The following EVL variants were observed in gnomAD, a reference collection of about 807,000 sequenced individuals.
The protein encoded by EVL is ena/VASP-like protein.
A neutral mutation model predicts 59.6 loss-of-function variants in EVL; 21 were observed. The observed-to-expected ratio is 0.35, with a 90% confidence interval of 0.25 to 0.51. EVL has a LOEUF of 0.51. Among genes scored for constraint, EVL ranks in the 20% least tolerant of loss-of-function variants. EVL has a pLI of 0.97. For missense variants in EVL, 462 were observed against 546.6 expected (o/e 0.85, Z 1.54); for synonymous variants, 198 against 203.5 (o/e 0.97, Z 0.23).
Position 100,137,954 on chromosome 14 carries a change from C to T in EVL, c.1094+152C>T, listed in dbSNP as rs376519619. 3.3e-4 allele frequency: 240 copies of T among 718,072 alleles called. 4 individuals are homozygous for T. Among genetic ancestry groups the T allele is most frequent in the South Asian group, 2.1e-3 (118 of 56,898 alleles). The allele number at this position is 718,072 out of a possible 1,614,324, so 44.5% of individuals were successfully genotyped here. On this transcript the variant is annotated intron_variant, in intron 11 of 13. Transcript: ENST00000392920. ...GTCTGTTCTTTCAGACCCAGGACCT[C>T]GGGGTCCTGTCAGTCAGCTGCTCCG...
chr14:100,049,882 G>A (rs761803625), intron 1 of EVL, among the ~76,000 whole-genome samples: 3 of 151,924 alleles, frequency 2.0e-5, no homozygotes, highest in Non-Finnish European at 4.4e-5. Flanking sequence ...ATTTTATATC[G>A]TATACATGGA....
rs536389742 is a variant in EVL, at chr14:100,095,200, G to A, written c.181-2281G>A. ...CTAAAGTATCTTTTATCTTGCTTCA[G>A]TATCTCTTAACCATTCCTGATATAA... On this transcript the variant is annotated intron_variant, in intron 2 of 13. Transcript: ENST00000392920. Among the ~76,000 whole-genome samples, 255 of 152,178 alleles carry A rather than the reference G, an allele frequency of 1.7e-3. 1 individual carries two copies. Among genetic ancestry groups the A allele is most frequent in the Non-Finnish European group, 1.5e-3 (105 of 68,028 alleles).
chr14:100,047,116 CTCTTTTTTT>C (rs1242642299), intron 1 of EVL, among the ~76,000 whole-genome samples: 4 of 28,458 alleles, frequency 1.4e-4, no homozygotes, highest in African/African-American at 2.7e-4. Context: ...AGATCTCTCT[CTCTTTTTTT>C]TTTTTTTTTT....
intron 1 of EVL, among the ~76,000 whole-genome samples, chr14:99,976,164 C>T (rs895086673): frequency 6.6e-5 from 10 of 151,826 alleles, no homozygotes; most frequent in South Asian, 2.1e-4. Flanking sequence ...TACAGGCACA[C>T]GCCCCCATGG....
rs191196110 is a variant in EVL at position 100,127,691 on chromosome 14, C to T, written c.488-828C>T. Reference sequence around the variant, plus strand: ...TTCACCTAACTGAACCCCTGCTCTCCGGTCGTGTCCCAGCTCCACAGTCAC... The same window carrying T: ...TTCACCTAACTGAACCCCTGCTCTCTGGTCGTGTCCCAGCTCCACAGTCAC... On this transcript the variant is annotated intron_variant, in intron 5 of 13. Coordinates refer to ENST00000392920, the MANE Select transcript of EVL (RefSeq NM_016337.3). The surrounding 1 kb of genome is among the most constrained non-coding windows in gnomAD (Gnocchi z 4.2). Among the ~76,000 whole-genome samples the T allele has an allele frequency of 5.1e-4, 78 of 152,284 alleles. No homozygotes were observed. The highest frequency in any genetic ancestry group is 9.4e-4 in the Non-Finnish European group (64 of 68,030).
intron 1 of EVL, among the ~76,000 whole-genome samples, chr14:100,015,897 C>G (rs905756258): frequency 2.6e-4 from 40 of 151,726 alleles, no homozygotes; most frequent in Non-Finnish European, 1.2e-4. Flanking sequence ...ATGGCAAAAC[C>G]CTGTCTCTAC....
intron 1 of EVL, among the ~76,000 whole-genome samples, chr14:99,993,111 G>T (rs2060886450): frequency 6.8e-6 from 1 of 146,930 alleles, no homozygotes; most frequent in Non-Finnish European, 1.5e-5. Flanking sequence ...AGGCTGGAGT[G>T]CAGTGGCATG....
At chr14:100,095,289 T>C (rs1885727357) in intron 2 of EVL, among the ~76,000 whole-genome samples, 2 of 152,198 alleles carry the variant, frequency 1.3e-5, no homozygotes, top group South Asian at 2.1e-4. Context: ...AGTTTGCTAC[T>C]GTCCACTAGA....
chr14:100,143,647 A>T lies in EVL; in HGVS notation c.1220-54A>T, dbSNP rs1226723081. On this transcript the variant is annotated intron_variant, in intron 13 of 13. Transcript: ENST00000392920. The stretch of plus-strand genomic sequence containing the variant: ...CCAGGGGTGCGGGGCCCTGATGAGG[A>T]ACCGGGCTGCACTGGTCATGGCTGC... 1.8e-5 allele frequency: 29 copies of T among 1,606,606 alleles called. No homozygotes were observed. The East Asian group carries it at 6.3e-4, about 35-fold the overall frequency.
At chr14:100,041,011 C>T (rs1299259872) in intron 1 of EVL, among the ~76,000 whole-genome samples, 2 of 152,064 alleles carry the variant, frequency 1.3e-5, no homozygotes, top group Non-Finnish European at 2.9e-5. Context: ...ACCCCAATTC[C>T]GGGTCAGTCA....
rs775129327 is a variant in EVL, at chr14:100,123,559, G to A, written c.379G>A (p.Val127Met). 1 of 1,614,160 alleles carries A rather than the reference G, an allele frequency of 6.2e-7. No individual in the cohort carries two copies. Among genetic ancestry groups the A allele is most frequent in the Non-Finnish European group, 8.5e-7 (1 of 1,180,002 alleles). Residue 127 changes from valine to methionine, a missense_variant, in exon 4 of 14, where the codon GTG becomes ATG. By Grantham distance (21) the Val-to-Met change is conservative (BLOSUM62 1). Transcript: ENST00000392920. The stretch of plus-strand genomic sequence containing the variant: ...CACAGGCCCCTCCAGCCAGCGTCAG[G>A]TGCAGAATGGCCCCTCTCCTGATGA... ...QEGGPSSQRQ[V>M]QNGPSPDEMD... is the part of the protein sequence containing the mutation.
rs1354395194 is a variant in EVL, at chr14:100,109,555, T to C, written c.358+11897T>C. ...AAGCTCCCAGCTTGCGCCCATGTCA[T>C]ATTGTGTGCCTCTCATAGCCTGGCA... On this transcript the variant is annotated intron_variant, in intron 3 of 13. Transcript: ENST00000392920. The surrounding 1 kb of genome is among the most constrained non-coding windows in gnomAD (Gnocchi z 4.3). The C allele has an allele frequency of 4.2e-6, 2 of 474,490 alleles. No individual in the cohort carries two copies. Among genetic ancestry groups the C allele is most frequent in the East Asian group, 1.4e-4 (2 of 14,760 alleles). 29.4% of individuals were successfully genotyped at this position (474,490 alleles called of 1,614,324 possible).
intron 1 of EVL, among the ~76,000 whole-genome samples, chr14:100,050,076 G>A (rs1472603831): frequency 4.6e-5 from 7 of 152,206 alleles, no homozygotes; most frequent in Non-Finnish European, 1.5e-5. Context: ...AGATATAAAG[G>A]AAGCAACAGT....
intron 8 of EVL, chr14:100,135,303 T>A (rs1888708459): frequency 6.6e-6 from 1 of 152,364 alleles, no homozygotes; most frequent in Admixed American, 6.5e-5. Flanking sequence ...CAGATCAGAA[T>A]GACACATCAG....
intron 1 of EVL, among the ~76,000 whole-genome samples, chr14:100,040,829 A>T (rs1479276936): frequency 6.6e-5 from 10 of 152,210 alleles, no homozygotes; most frequent in African/African-American, 2.4e-5. Context: ...AAATGTGGGC[A>T]TGGAAGAGCA....
intron 1 of EVL, among the ~76,000 whole-genome samples, chr14:100,037,316 A>G (rs1269322475): frequency 6.6e-6 from 1 of 152,202 alleles, no homozygotes; most frequent in Non-Finnish European, 1.5e-5. Flanking sequence ...AGAAAGCTAC[A>G]TGACATTGAT....
At chr14:100,014,618 A>G (rs2061037885) in intron 1 of EVL, among the ~76,000 whole-genome samples, 1 of 152,220 alleles carries the variant, frequency 6.6e-6, no homozygotes, top group South Asian at 2.1e-4. Flanking sequence ...TCTTCAGTAT[A>G]CTGATTTCCT....
chr14:100,142,077 AG>A, intron 13 of EVL: 1 of 322,440 alleles, frequency 3.1e-6, no homozygotes, highest in Admixed American at 4.0e-5. Flanking sequence ...AAGAGCATGG[AG>A]GGGAGACCCC....
rs551386524 is a variant in EVL at position 99,973,729 on chromosome 14, C to T, written c.5+1672C>T. Among the ~76,000 whole-genome samples, 3 of 152,284 alleles carry T rather than the reference C, an allele frequency of 2.0e-5. No individual in the cohort carries two copies. In the East Asian group the frequency reaches 5.8e-4, roughly 29 times the overall value. On this transcript the variant is annotated intron_variant, in intron 1 of 13. Coordinates refer to the EVL transcript ENST00000402714. ...CAACCCGCCTTGGCCTCCCAAACTG[C>T]TGGGATTACAGGCATGAGCCACCGA...
Sources: gnomAD v4.1 joint callset for allele counts (sites outside exome capture counted in the v4.1 genomes callset) on GRCh38, gnomAD v4.1.1 for gene constraint, Gnocchi (gnomAD v3.1) non-coding constraint, MANE v1.5 for transcripts, NCBI Gene and HGNC (gene_info 2026-07-23, HGNC 2026-07-21) for gene names.